Variants in PIP4K2B observed in about 807,000 individuals in gnomAD.
PIP4K2B encodes the protein phosphatidylinositol-5-phosphate 4-kinase type 2 beta.
PIP4K2B carries 3 observed loss-of-function variants against 42.0 expected under a neutral mutation model. That is an observed-to-expected ratio of 0.07 (90% CI 0.03 to 0.18). PIP4K2B has a LOEUF of 0.18. PIP4K2B is among the 10% of genes least tolerant of loss of function. PIP4K2B has a pLI of 1.00. For missense variants in PIP4K2B, 332 were observed against 562.3 expected (o/e 0.59, Z 4.14); for synonymous variants, 204 against 210.1 (o/e 0.97, Z 0.25).
chr17:38,782,728 A>T (rs1488758327), intron 3 of PIP4K2B, among the ~76,000 whole-genome samples: 3 of 152,112 alleles, frequency 2.0e-5, no homozygotes, highest in Admixed American at 6.6e-5. Flanking sequence ...AGGAGACTCT[A>T]ACCCAAGGCC....
intron 1 of PIP4K2B, among the ~76,000 whole-genome samples, chr17:38,796,642 C>T (rs1187416642): frequency 6.6e-6 from 1 of 152,242 alleles, no homozygotes; most frequent in Non-Finnish European, 1.5e-5. Flanking sequence ...GCTCCTGTGA[C>T]AACACCAAGT....
intron 3 of PIP4K2B, among the ~76,000 whole-genome samples, chr17:38,782,493 T>C (rs979034776): frequency 6.6e-6 from 1 of 152,150 alleles, no homozygotes; most frequent in Non-Finnish European, 1.5e-5. Context: ...GGGGTTGCAA[T>C]AGTGGCAAGA....
intron 1 of PIP4K2B, among the ~76,000 whole-genome samples, chr17:38,796,519 G>T (rs1910668464): frequency 6.6e-6 from 1 of 152,080 alleles, no homozygotes; most frequent in South Asian, 2.1e-4. Flanking sequence ...TAAAACACTG[G>T]TTTTTGCTCT....
chr17:38,786,995 T>C, intron 1 of PIP4K2B, 75 bp from the exon 2 acceptor site: 1 of 923,536 alleles, frequency 1.1e-6, no homozygotes, highest in Non-Finnish European at 1.8e-6. Flanking sequence ...ACAATGTGGA[T>C]GCCACAATCT....
chr17:38,769,775 T>G lies in PIP4K2B; in HGVS notation c.1171-4A>C. The G allele has an allele frequency of 1.2e-6, 2 of 1,613,322 alleles. No homozygotes were observed. Among genetic ancestry groups the G allele is most frequent in the South Asian group, 2.2e-5 (2 of 91,024 alleles). On this transcript the variant is annotated splice_polypyrimidine_tract_variant and splice_region_variant and intron_variant, in intron 9 of 9. Coordinates refer to ENST00000619039, the MANE Select transcript of PIP4K2B (RefSeq NM_003559.5). ...CAGTCGAGATCTCGGCCCCTGCCTG[T>G]AATACACAAGAGGCTGATTCAGGTT...
rs551177213 is a variant in PIP4K2B, at chr17:38,779,263, T to G, written c.654+120A>C. 9 of 980,946 alleles carry G rather than the reference T, an allele frequency of 9.2e-6. No individual in the cohort carries two copies. The African/African-American group carries it at 1.3e-4, about 14-fold the overall frequency. 60.8% of individuals were successfully genotyped at this position (980,946 alleles called of 1,614,324 possible). On this transcript the variant is annotated intron_variant, in intron 5 of 9. Coordinates refer to ENST00000619039, the MANE Select transcript of PIP4K2B (RefSeq NM_003559.5). ...AGAATCAGGCATATCCACTCCAGAG[T>G]TCCCTGTCCATGCCAACACATAGGC...
intron 3 of PIP4K2B, among the ~76,000 whole-genome samples, chr17:38,782,363 T>C (rs1442459505): frequency 6.6e-6 from 1 of 152,206 alleles, no homozygotes; most frequent in Non-Finnish European, 1.5e-5. Context: ...CCCACAAGGC[T>C]ACTAGGGGCA....
chr17:38,775,456 G>T (rs181032193), intron 7 of PIP4K2B, among the ~76,000 whole-genome samples: 9 of 152,166 alleles, frequency 5.9e-5, no homozygotes, highest in African/African-American at 2.2e-4. Context: ...TCAGTAAATT[G>T]CCCAGGTCTC....
intron 1 of PIP4K2B, among the ~76,000 whole-genome samples, chr17:38,792,326 T>C (rs902992492): frequency 1.3e-5 from 2 of 152,080 alleles, no homozygotes; most frequent in Admixed American, 6.6e-5. Context: ...TTATTTCTAG[T>C]AGAGACAAGT....
intron 1 of PIP4K2B, among the ~76,000 whole-genome samples, chr17:38,792,492 T>C (rs779618617): frequency 3.3e-5 from 5 of 152,208 alleles, no homozygotes; most frequent in Non-Finnish European, 5.9e-5. Context: ...ATATGCAACA[T>C]GGAGATGAAA....
Position 38,766,473 on chromosome 17 carries a change from G to A in PIP4K2B, c.*3218C>T, listed in dbSNP as rs1908711553. ...TGGGTCTTTGGTCCACCTCCCCAAG[G>A]TATGCCCTGGCAGACCATGAAGACA... On this transcript the variant is annotated 3_prime_UTR_variant, in exon 10 of 10. Coordinates refer to ENST00000619039, the MANE Select transcript of PIP4K2B (RefSeq NM_003559.5). 6.5e-6 allele frequency: 1 copy of A among 152,724 alleles called. No homozygotes were observed. Among genetic ancestry groups the A allele is most frequent in the South Asian group, 2.1e-4 (1 of 4,834 alleles). 9.5% of individuals were successfully genotyped at this position (152,724 alleles called of 1,614,324 possible).
At chr17:38,794,054 C>CATATATAT (rs1910487586) in intron 1 of PIP4K2B, among the ~76,000 whole-genome samples, 1 of 152,054 alleles carries the variant, frequency 6.6e-6, no homozygotes, top group African/African-American at 2.4e-5. Flanking sequence ...ATACATACTC[C>CATATATAT]AGCACTATTC....
rs1908663958 is a variant in PIP4K2B, at chr17:38,765,692, A to G, written c.*3999T>C. The G allele has an allele frequency of 6.6e-6, 1 of 152,270 alleles. No individual in the cohort carries two copies. The highest frequency in any genetic ancestry group is 2.4e-5 in the African/African-American group (1 of 41,470). 9.4% of individuals were successfully genotyped at this position (152,270 alleles called of 1,614,324 possible). ...CCAAGGACTCACACATAACAGATGT[A>G]CACAAAGCTTTTTGAGTTTTATTTT... On this transcript the variant is annotated 3_prime_UTR_variant, in exon 10 of 10. Coordinates refer to ENST00000619039, the MANE Select transcript of PIP4K2B (RefSeq NM_003559.5).
chr17:38,795,389 T>C (rs1445106437), intron 1 of PIP4K2B, among the ~76,000 whole-genome samples: 2 of 151,814 alleles, frequency 1.3e-5, no homozygotes, highest in African/African-American at 4.8e-5. Flanking sequence ...GGAGGACCAC[T>C]TGAGGCCAGG....
At chr17:38,778,305 C>G in intron 6 of PIP4K2B, 29 bp downstream of exon 6, 1 of 1,611,666 alleles carries the variant, frequency 6.2e-7, no homozygotes, top group Non-Finnish European at 8.5e-7. Flanking sequence ...TCCAAGCGAC[C>G]CTTCCATTCC....
intron 8 of PIP4K2B, 109 bp from the exon 9 acceptor site, chr17:38,770,648 C>T (rs1908969358): frequency 2.8e-6 from 2 of 713,284 alleles, no homozygotes; most frequent in Non-Finnish European, 5.1e-6. Context: ...CCATCCTTAT[C>T]ATGTTGGGGC....
rs555440543 is a variant in PIP4K2B at position 38,787,986 on chromosome 17, C to CT, written c.160-1067_160-1066insA. On this transcript the variant is annotated intron_variant, in intron 1 of 9. Transcript: ENST00000619039. ...ATTACTAGCATATATGGCAGATACT[C>CT]AATAAATATTTGTCATATGCAATAA... 2.6e-4 allele frequency among the ~76,000 whole-genome samples: 39 copies of CT among 150,072 alleles called. No homozygotes were observed. The South Asian group carries it at 4.6e-3, about 18-fold the overall frequency.
intron 1 of PIP4K2B, among the ~76,000 whole-genome samples, chr17:38,797,155 A>G (rs1205307672): frequency 6.6e-6 from 1 of 152,134 alleles, no homozygotes; most frequent in Non-Finnish European, 1.5e-5. Context: ...CTTTCCAACT[A>G]GCCCCTCAAA....
chr17:38,778,224 G>C (rs140270605), intron 6 of PIP4K2B, 110 bp downstream of exon 6: 2 of 926,922 alleles, frequency 2.2e-6, no homozygotes, highest in East Asian at 4.8e-5. Context: ...TTGACAGACG[G>C]CATGTCTGGG....
Sources: allele counts gnomAD v4.1 joint callset (sites outside exome capture counted in the v4.1 genomes callset), GRCh38; gene constraint gnomAD v4.1.1; transcripts MANE v1.5; gene names NCBI Gene and HGNC (gene_info 2026-07-23, HGNC 2026-07-21).